ADAM7: variants seen among roughly 807,000 people sequenced by gnomAD.
The protein encoded by ADAM7 is ADAM metallopeptidase domain 7.
In ADAM7, 97 loss-of-function variants were observed where a neutral mutation model predicts 102.9. The ratio of observed to expected loss-of-function variants is 0.94; its 90% CI spans 0.80 to 1.12. The LOEUF is 1.12. Ranked by LOEUF, ADAM7 falls within the 50% of genes most tolerant of loss-of-function variation. The pLI is 0.00. For synonymous variants in ADAM7, 334 were observed against 304.4 expected (o/e 1.10, Z -1.01); for missense variants, 991 against 908.7 (o/e 1.09, Z -1.16).
At chr8:24,443,067 T>C (rs1466264214) in intron 2 of ADAM7, among the ~76,000 whole-genome samples, 1 of 152,218 alleles carries the variant, frequency 6.6e-6, no homozygotes, top group East Asian at 1.9e-4. Context: ...CGAATGCTTA[T>C]TATAGAAAAT....
chr8:24,444,442 G>A (rs866501560), intron 2 of ADAM7, among the ~76,000 whole-genome samples: 2 of 151,820 alleles, frequency 1.3e-5, no homozygotes, highest in Admixed American at 6.6e-5. Context: ...CATACTGAAG[G>A]GGGGAAAGAG....
chr8:24,441,745 T>C (rs943335958), intron 1 of ADAM7, among the ~76,000 whole-genome samples: 1 of 152,230 alleles, frequency 6.6e-6, no homozygotes, highest in African/African-American at 2.4e-5. Flanking sequence ...AAAGGTCTTA[T>C]ACTTAACTAC....
At chr8:24,468,679 T>C (rs1819509199) in intron 6 of ADAM7, 88 bp from the exon 7 acceptor site, 7 of 1,196,532 alleles carry the variant, frequency 5.9e-6, no homozygotes, top group South Asian at 2.6e-5. Context: ...TTTCTTACCT[T>C]GAAAATACTA....
At chr8:24,481,572 C>T (rs1473843039) in intron 8 of ADAM7, among the ~76,000 whole-genome samples, 2 of 152,226 alleles carry the variant, frequency 1.3e-5, no homozygotes, top group Non-Finnish European at 2.9e-5. Flanking sequence ...GTTTACAGAG[C>T]AGGTAGAAAT....
chr8:24,475,695 G>A (rs746295035), intron 7 of ADAM7, among the ~76,000 whole-genome samples: 8 of 152,000 alleles, frequency 5.3e-5, no homozygotes, highest in Non-Finnish European at 1.0e-4. Context: ...AGATACTTGC[G>A]GGATTCAGGA....
chr8:24,467,269 TG>T, intron 6 of ADAM7: 1 of 487,036 alleles, frequency 2.1e-6, no homozygotes, highest in Non-Finnish European at 3.6e-6. Flanking sequence ...AAATTTTCAA[TG>T]TCCTAAAACC....
rs1487596780 is a variant in ADAM7 at position 24,482,328 on chromosome 8, T to C, written c.875+17T>C. 6.3e-7 allele frequency: 1 copy of C among 1,594,104 alleles called. No individual in the cohort carries two copies. Among genetic ancestry groups the C allele is most frequent in the Non-Finnish European group, 8.5e-7 (1 of 1,173,362 alleles). ...ATTACTCAGGTTGGTGATTGCTCTA[T>C]TTTCTTGCATACCTTTGGTGGATTA... On this transcript the variant is annotated intron_variant, in intron 9 of 21. Coordinates refer to ENST00000175238, the MANE Select transcript of ADAM7 (RefSeq NM_003817.4).
chr8:24,504,944 T>C (rs1820899752), intron 20 of ADAM7, among the ~76,000 whole-genome samples: 1 of 152,148 alleles, frequency 6.6e-6, no homozygotes, highest in Non-Finnish European at 1.5e-5. Context: ...AATTGTCCAT[T>C]AGAATGGACA....
chr8:24,454,499 C>T (rs960957765), intron 3 of ADAM7, among the ~76,000 whole-genome samples: 3 of 152,184 alleles, frequency 2.0e-5, no homozygotes, highest in Admixed American at 6.5e-5. Flanking sequence ...TTTTTAAGCC[C>T]GTCGGAAAAG....
At chr8:24,479,248 T>C (rs1319359074) in intron 8 of ADAM7, among the ~76,000 whole-genome samples, 1 of 152,124 alleles carries the variant, frequency 6.6e-6, no homozygotes, top group Non-Finnish European at 1.5e-5. Flanking sequence ...GCCCTGTCCA[T>C]GGGTCATTGG....
intron 20 of ADAM7, among the ~76,000 whole-genome samples, chr8:24,505,206 T>C (rs1820909394): frequency 6.6e-6 from 1 of 152,168 alleles, no homozygotes; most frequent in Non-Finnish European, 1.5e-5. Flanking sequence ...ATAGGTGGAC[T>C]TCCAGAGAGA....
At chr8:24,496,012 A>T (rs1306299439) in intron 16 of ADAM7, among the ~76,000 whole-genome samples, 1 of 152,216 alleles carries the variant, frequency 6.6e-6, no homozygotes, top group Non-Finnish European at 1.5e-5. Flanking sequence ...AGCCCCTCCT[A>T]TCACAGGCCC....
intron 9 of ADAM7, among the ~76,000 whole-genome samples, chr8:24,483,640 A>G (rs767813891): frequency 3.3e-5 from 5 of 152,176 alleles, no homozygotes; most frequent in Non-Finnish European, 7.4e-5. Context: ...CCCATAGCAT[A>G]TATCGCCAGA....
chr8:24,496,074 G>A (rs946954446), intron 16 of ADAM7, among the ~76,000 whole-genome samples: 2 of 152,206 alleles, frequency 1.3e-5, no homozygotes, highest in Non-Finnish European at 2.9e-5. Flanking sequence ...TCCCCGTGCT[G>A]TGTGCAGTTT....
chr8:24,442,422 T>C (rs1315278100), intron 1 of ADAM7, 51 bp from the exon 2 acceptor site: 1 of 1,259,148 alleles, frequency 7.9e-7, no homozygotes, highest in Non-Finnish European at 1.2e-6. Flanking sequence ...TCAGCCGCTG[T>C]AGACGAATGT....
intron 20 of ADAM7, among the ~76,000 whole-genome samples, chr8:24,504,068 A>T (rs867869938): frequency 2.1e-5 from 3 of 145,986 alleles, no homozygotes; most frequent in South Asian, 2.2e-4. Context: ...TAAAATAAAT[A>T]AAATAAAAAA....
chr8:24,501,451 T>C (rs372490168), intron 19 of ADAM7, 26 bp from the exon 20 acceptor site: 63 of 1,531,488 alleles, frequency 4.1e-5, no homozygotes, highest in Non-Finnish European at 5.5e-5. Flanking sequence ...TCTAATAAAT[T>C]AGTTGTTCAA....
intron 3 of ADAM7, among the ~76,000 whole-genome samples, chr8:24,460,805 A>C (rs1819215069): frequency 6.6e-6 from 1 of 151,546 alleles, no homozygotes; most frequent in Non-Finnish European, 1.5e-5. Context: ...GCATGACTAT[A>C]ATTTGGCTTT....
chr8:24,450,359 C>A (rs1265770640), intron 3 of ADAM7, among the ~76,000 whole-genome samples: 1 of 152,080 alleles, frequency 6.6e-6, no homozygotes, highest in Non-Finnish European at 1.5e-5. Flanking sequence ...TTGAAGAGGT[C>A]CTTCACGTCC....
Sources: gnomAD v4.1 joint callset for allele counts (sites outside exome capture counted in the v4.1 genomes callset) on GRCh38, gnomAD v4.1.1 for gene constraint, MANE v1.5 for transcripts, NCBI Gene and HGNC (gene_info 2026-07-23, HGNC 2026-07-21) for gene names.